Variants in MBNL2 observed in about 807,000 individuals in gnomAD.
MBNL2 encodes muscleblind-like protein 2.
In MBNL2, 17 loss-of-function variants were observed where a neutral mutation model predicts 41.9. The observed-to-expected ratio is 0.41, with a 90% CI of 0.28 to 0.61. MBNL2 has a LOEUF of 0.61. Among genes scored for constraint, MBNL2 ranks in the 20% least tolerant of loss-of-function variants. The pLI, the probability that MBNL2 is intolerant of heterozygous loss-of-function variation, is 0.35. For missense variants in MBNL2, 336 were observed against 505.6 expected, an observed-to-expected ratio of 0.66 and a Z score of 3.22; for synonymous variants, 195 against 182.9, an observed-to-expected ratio of 1.07 and a Z score of -0.53.
At chr13:97,306,481 A>G (rs887185931) in intron 2 of MBNL2, among the ~76,000 whole-genome samples, 4 of 152,188 alleles carry the variant, frequency 2.6e-5, no homozygotes, top group Admixed American at 6.5e-5. Context: ...TTACCCTCTG[A>G]GAGCAAACTC....
intron 8 of MBNL2, among the ~76,000 whole-genome samples, chr13:97,370,624 G>A (rs1223398791): frequency 5.3e-5 from 8 of 150,814 alleles, no homozygotes; most frequent in South Asian, 2.1e-4. Flanking sequence ...AGCTGAGATC[G>A]CGCAATTGTA....
At chr13:97,310,862 T>C (rs2058542220) in intron 2 of MBNL2, among the ~76,000 whole-genome samples, 1 of 151,246 alleles carries the variant, frequency 6.6e-6, no homozygotes, top group Non-Finnish European at 1.5e-5. Context: ...ACCGGTCACC[T>C]GAGATGAACT....
chr13:97,264,702 G>T (rs2049375758), intron 1 of MBNL2, among the ~76,000 whole-genome samples: 1 of 152,206 alleles, frequency 6.6e-6, no homozygotes, highest in South Asian at 2.1e-4. Context: ...GGGGTTATTA[G>T]TATTTATAGG....
chr13:97,243,660 T>G (rs905880547), intron 1 of MBNL2, among the ~76,000 whole-genome samples: 1 of 152,222 alleles, frequency 6.6e-6, no homozygotes, highest in Non-Finnish European at 1.5e-5. Flanking sequence ...ATCTATAAGC[T>G]AAAACTAATA....
At chr13:97,373,717 CAAG>C (rs2064641277) in intron 8 of MBNL2, among the ~76,000 whole-genome samples, 1 of 151,644 alleles carries the variant, frequency 6.6e-6, no homozygotes, top group South Asian at 2.1e-4. Context: ...TTTTTCTCTT[CAAG>C]AAATTAGAAA....
At chr13:97,158,286 T>C in the MBNL2 span, among the ~76,000 whole-genome samples, 1 of 150,952 alleles carries the variant, frequency 6.6e-6, no homozygotes, top group Non-Finnish European at 1.5e-5. Flanking sequence ...TCTTCTCTCT[T>C]TTTTTCTTTA....
intron 1 of MBNL2, among the ~76,000 whole-genome samples, chr13:97,264,607 T>C (rs1366770149): frequency 2.0e-5 from 3 of 152,262 alleles, no homozygotes; most frequent in Non-Finnish European, 2.9e-5. Context: ...TATATTGATT[T>C]TGTTTTTAAA....
chr13:97,306,193 G>A (rs1342104901), intron 2 of MBNL2, among the ~76,000 whole-genome samples: 1 of 152,212 alleles, frequency 6.6e-6, no homozygotes, highest in African/African-American at 2.4e-5. Flanking sequence ...GGAGATTTCA[G>A]ATGACAGAAT....
chr13:97,230,906 T>C (rs1279741246), intron 1 of MBNL2, among the ~76,000 whole-genome samples: 1 of 152,222 alleles, frequency 6.6e-6, no homozygotes, highest in Non-Finnish European at 1.5e-5. Flanking sequence ...ATCTCTCGTA[T>C]ATACAGTTGA....
chr13:97,377,883 C>T (rs527888994), intron 8 of MBNL2, among the ~76,000 whole-genome samples: 7 of 152,246 alleles, frequency 4.6e-5, no homozygotes, highest in African/African-American at 1.2e-4. Flanking sequence ...AGTTTTTGAT[C>T]AGTTGGTTGA....
chr13:97,255,058 C>T (rs140663017), intron 1 of MBNL2, among the ~76,000 whole-genome samples: 1 of 152,214 alleles, frequency 6.6e-6, no homozygotes, highest in East Asian at 1.9e-4. Context: ...GGTTAACAAA[C>T]CAAACCCCAA....
chr13:97,203,927 TGAATGGATGGACAGAC>T, the MBNL2 span, among the ~76,000 whole-genome samples: 2 of 151,370 alleles, frequency 1.3e-5, no homozygotes, highest in African/African-American at 4.9e-5. Context: ...GACGGACGGA[TGAATGGATGGACAGAC>T]GGATGGATGG....
the MBNL2 span, among the ~76,000 whole-genome samples, chr13:97,189,863 G>A: frequency 6.6e-6 from 1 of 152,212 alleles, no homozygotes; most frequent in African/African-American, 2.4e-5. Flanking sequence ...TTTACTTTCA[G>A]AACCACACGC....
At chr13:97,321,505 G>A (rs1176001017) in intron 2 of MBNL2, among the ~76,000 whole-genome samples, 2 of 152,146 alleles carry the variant, frequency 1.3e-5, no homozygotes, top group Admixed American at 6.5e-5. Flanking sequence ...CACATATTGA[G>A]CCAAAAATCT....
At chr13:97,238,622 G>A (rs2043725174) in intron 1 of MBNL2, among the ~76,000 whole-genome samples, 1 of 152,196 alleles carries the variant, frequency 6.6e-6, no homozygotes, top group Admixed American at 6.5e-5. Flanking sequence ...TTTTGGAAGA[G>A]TGCTGCGTGG....
chr13:97,205,635 C>T, the MBNL2 span, among the ~76,000 whole-genome samples: 2 of 152,222 alleles, frequency 1.3e-5, no homozygotes, highest in East Asian at 3.9e-4. Flanking sequence ...AAGAAGAAAA[C>T]TCTCATTTGA....
chr13:97,169,330 G>T, the MBNL2 span, among the ~76,000 whole-genome samples: 3 of 152,262 alleles, frequency 2.0e-5, no homozygotes, highest in East Asian at 5.8e-4. Flanking sequence ...TCCAAGAGTG[G>T]ATTGAAAAAC....
intron 2 of MBNL2, among the ~76,000 whole-genome samples, chr13:97,327,258 C>T (rs976867645): frequency 6.6e-6 from 1 of 152,070 alleles, no homozygotes; most frequent in Non-Finnish European, 1.5e-5. Context: ...GCTGAATCTC[C>T]TCAAACCTCA....
chr13:97,217,854 G>A (rs1050616348), upstream of MBNL2, among the ~76,000 whole-genome samples: 6 of 152,110 alleles, frequency 3.9e-5, no homozygotes, highest in Admixed American at 3.3e-4. Flanking sequence ...CAGGTAAAAG[G>A]TGGTGGGGGG....
Sources: gnomAD v4.1 joint callset for allele counts (sites outside exome capture counted in the v4.1 genomes callset) on GRCh38, gnomAD v4.1.1 for gene constraint, MANE v1.5 for transcripts, NCBI Gene and HGNC (gene_info 2026-07-23, HGNC 2026-07-21) for gene names.